Variants in SIL1 observed in about 807,000 individuals in gnomAD.
SIL1 encodes the protein nucleotide exchange factor SIL1.
SIL1 carries 40 observed loss-of-function variants against 49.1 expected under a neutral mutation model. The ratio of observed to expected loss-of-function variants is 0.81; its 90% CI spans 0.63 to 1.06. SIL1 has a LOEUF of 1.06. SIL1 is among the 50% of genes least tolerant of loss of function. The pLI is 0.00. For synonymous variants in SIL1, 253 were observed against 250.8 expected, an observed-to-expected ratio of 1.01 and a Z score of -0.08; for missense variants, 500 against 572.6, an observed-to-expected ratio of 0.87 and a Z score of 1.29.
At chr5:139,008,427 G>A (rs1343916624) in intron 7 of SIL1, among the ~76,000 whole-genome samples, 5 of 121,220 alleles carry the variant, frequency 4.1e-5, no homozygotes, top group Non-Finnish European at 8.5e-5. Context: ...TGGATTCATT[G>A]ATTTTTTGAA....
intron 4 of SIL1, among the ~76,000 whole-genome samples, chr5:139,049,284 T>C (rs1377708130): frequency 6.6e-6 from 1 of 152,222 alleles, no homozygotes; most frequent in Non-Finnish European, 1.5e-5. Context: ...GCGATTCTTC[T>C]GCCTCAGCCT....
chr5:139,158,623 G>A (rs1231879175), intron 1 of SIL1, among the ~76,000 whole-genome samples: 7 of 145,292 alleles, frequency 4.8e-5, no homozygotes, highest in Non-Finnish European at 7.8e-5. Context: ...GGGAAATAAT[G>A]GAGAGTCCCC....
intron 5 of SIL1, among the ~76,000 whole-genome samples, chr5:139,031,475 T>C (rs1768791628): frequency 6.6e-6 from 1 of 152,202 alleles, no homozygotes; most frequent in African/African-American, 2.4e-5. Context: ...TGATCTATGA[T>C]TCTTTCTCTC....
chr5:139,081,128 G>C (rs550076970), intron 3 of SIL1, among the ~76,000 whole-genome samples: 4 of 152,366 alleles, frequency 2.6e-5, no homozygotes, highest in South Asian at 4.1e-4. Flanking sequence ...ACATTCAAGG[G>C]AAGGGAAGTG....
At chr5:139,059,670 T>C (rs950896871) in intron 3 of SIL1, among the ~76,000 whole-genome samples, 1 of 152,218 alleles carries the variant, frequency 6.6e-6, no homozygotes, top group African/African-American at 2.4e-5. Flanking sequence ...CATACAGACA[T>C]CTATATACAT....
intron 3 of SIL1, among the ~76,000 whole-genome samples, chr5:139,084,981 C>G (rs867471882): frequency 1.7e-4 from 26 of 152,230 alleles, no homozygotes; most frequent in African/African-American, 5.5e-4. Flanking sequence ...TACTGTTGTG[C>G]AACATGCTTC....
intron 7 of SIL1, among the ~76,000 whole-genome samples, chr5:138,990,184 C>G (rs1767727164): frequency 6.6e-6 from 1 of 152,092 alleles, no homozygotes; most frequent in Non-Finnish European, 1.5e-5. Flanking sequence ...GTACACTTAC[C>G]CAAGAGTTTT....
intron 5 of SIL1, among the ~76,000 whole-genome samples, chr5:139,034,725 A>T (rs1768865163): frequency 6.6e-6 from 1 of 152,216 alleles, no homozygotes; most frequent in South Asian, 2.1e-4. Flanking sequence ...AAAAACTCAA[A>T]AACATATGCA....
chr5:138,955,948 T>C (rs1395735460), intron 7 of SIL1, among the ~76,000 whole-genome samples: 1 of 152,038 alleles, frequency 6.6e-6, no homozygotes, highest in Non-Finnish European at 1.5e-5. Flanking sequence ...AGCTCTAGGA[T>C]GGGAATAAGG....
In SIL1 at chr5:138,951,295, T is replaced by C. The variant is rs1190963939; in HGVS notation, c.905A>G (p.Tyr302Cys). Residue 302 changes from tyrosine (Y) to cysteine (C), a missense_variant, in exon 9 of 10, where the codon TAT becomes TGT. Tyr to Cys is a radical substitution (Grantham distance 194). Coordinates refer to ENST00000394817, the MANE Select transcript of SIL1 (RefSeq NM_022464.5). ...GAGCTTCAGGAACTGCCGCTGGGCA[T>C]AGGGGAAGTGGCGCAGCAGGGAGCA... ...ALCSLLRHFP[Y>C]AQRQFLKLGG... 6.6e-5 allele frequency: 103 copies of C among 1,566,834 alleles called. No individual in the cohort carries two copies. Among genetic ancestry groups the C allele is most frequent in the Non-Finnish European group, 8.7e-5 (101 of 1,155,296 alleles).
In SIL1 at chr5:139,194,930, CTTTT is replaced by C. The variant is rs35417485; in HGVS notation, c.-11+3335_-11+3338del. ...AAAAGGTACAACTTCCTTTCAGAGC[CTTTT>C]TTTTTTTTTTTGAGACAGAATCTCT... On this transcript the variant is annotated intron_variant, in intron 1 of 9. Transcript: ENST00000394817. Among the ~76,000 whole-genome samples, 3 of 141,692 alleles carry C rather than the reference CTTTT, an allele frequency of 2.1e-5. No individual in the cohort carries two copies. The Admixed American group carries it at 2.1e-4, about 10-fold the overall frequency. The allele number at this position is 141,692 out of a possible 152,430, so 93.0% of individuals were successfully genotyped here.
intron 1 of SIL1, among the ~76,000 whole-genome samples, chr5:139,178,330 T>A (rs1188925080): frequency 6.6e-6 from 1 of 152,150 alleles, no homozygotes; most frequent in Non-Finnish European, 1.5e-5. Context: ...ACAAAATCCA[T>A]CCAGTGTCCA....
intron 3 of SIL1, among the ~76,000 whole-genome samples, chr5:139,104,381 T>G (rs1770657002): frequency 6.6e-6 from 1 of 152,196 alleles, no homozygotes; most frequent in Non-Finnish European, 1.5e-5. Flanking sequence ...TTCCTGCTGG[T>G]CTCTCACTGC....
chr5:139,186,920 A>C (rs1752085624), intron 1 of SIL1, among the ~76,000 whole-genome samples: 1 of 152,108 alleles, frequency 6.6e-6, no homozygotes, highest in Non-Finnish European at 1.5e-5. Flanking sequence ...GAGCATGTGA[A>C]CTCACTGTGG....
chr5:139,158,639 TG>T (rs34331884), intron 1 of SIL1, among the ~76,000 whole-genome samples: 53,043 of 151,896 alleles, frequency 0.35, 11,572 homozygotes, highest in South Asian at 0.51. Flanking sequence ...TCCCCAAGTG[TG>T]GGGGAGAAAA....
intron 3 of SIL1, among the ~76,000 whole-genome samples, chr5:139,071,898 C>T (rs1371701539): frequency 1.3e-5 from 2 of 151,966 alleles, no homozygotes; most frequent in Non-Finnish European, 2.9e-5. Context: ...AACTCCTGAC[C>T]TCATGGTCCC....
chr5:139,107,402 GA>G (rs1036021277), intron 3 of SIL1, among the ~76,000 whole-genome samples: 28 of 150,042 alleles, frequency 1.9e-4, no homozygotes, highest in Non-Finnish European at 2.8e-4. Context: ...GCAAAAAAAA[GA>G]AAAAAAAATA....
intron 7 of SIL1, among the ~76,000 whole-genome samples, chr5:138,970,773 G>A (rs111355472): frequency 0.01 from 1,531 of 152,234 alleles, 22 homozygotes; most frequent in African/African-American, 0.032. Flanking sequence ...GTGGCGATGC[G>A]CACCTGTAGT....
chr5:138,977,343 TG>T (rs1333622600), intron 7 of SIL1, among the ~76,000 whole-genome samples: 1 of 151,950 alleles, frequency 6.6e-6, no homozygotes, highest in African/African-American at 2.4e-5. Context: ...TGAGAGGAGG[TG>T]ACTTGAACTA....
Sources: gnomAD v4.1 joint callset for allele counts (sites outside exome capture counted in the v4.1 genomes callset) on GRCh38, gnomAD v4.1.1 for gene constraint, MANE v1.5 for transcripts, NCBI Gene and HGNC (gene_info 2026-07-23, HGNC 2026-07-21) for gene names.